WDR59: variants seen among roughly 807,000 people sequenced by gnomAD.
The protein encoded by WDR59 is GATOR2 complex protein WDR59.
A neutral mutation model predicts 131.2 loss-of-function variants in WDR59; 100 were observed. The ratio of observed to expected loss-of-function variants is 0.76; its 90% CI spans 0.65 to 0.90. The LOEUF (loss-of-function observed/expected upper bound fraction) is 0.90, where lower values mean the gene tolerates loss of function less well. Ranked by LOEUF, WDR59 falls within the 40% of genes least tolerant of loss-of-function variation. WDR59 has a pLI of 0.00. For synonymous variants in WDR59, 601 were observed against 466.2 expected (o/e 1.29, Z -3.72); for missense variants, 1,203 against 1,262.2 (o/e 0.95, Z 0.71).
intron 6 of WDR59, among the ~76,000 whole-genome samples, chr16:74,944,241 G>A (rs895702078): frequency 2.0e-5 from 3 of 152,022 alleles, no homozygotes; most frequent in Non-Finnish European, 2.9e-5. Context: ...TGAGACAGGC[G>A]GATTACCTGA....
rs142584864 is a variant in WDR59, at chr16:74,934,617, G to A, written c.651+3533C>T. Among the ~76,000 whole-genome samples the A allele has an allele frequency of 2.7e-4, 41 of 151,978 alleles. 1 individual carries two copies. In the East Asian group the frequency reaches 7.7e-3, roughly 29 times the overall value. Reference sequence around the variant, plus strand: ...CCTTTTCATTTACCCTTTTCTAAGGGTCCCTGCTACAAGCTACAGATCAGA... The same window carrying A: ...CCTTTTCATTTACCCTTTTCTAAGGATCCCTGCTACAAGCTACAGATCAGA... On this transcript the variant is annotated intron_variant, in intron 8 of 25. Coordinates refer to ENST00000262144, the MANE Select transcript of WDR59 (RefSeq NM_030581.4).
At chr16:74,892,629 C>T in intron 19 of WDR59, 64 bp from the exon 20 acceptor site, 1 of 1,296,392 alleles carries the variant, frequency 7.7e-7, no homozygotes, top group Non-Finnish European at 1.1e-6. Context: ...CAACGACTCC[C>T]AGTTTAACAG....
At position 74,874,114 on chromosome 16, in the gene WDR59, G is replaced by T; in HGVS notation, c.*95C>A. 1 of 1,092,080 alleles carries T rather than the reference G, an allele frequency of 9.2e-7. No individual in the cohort carries two copies. The highest frequency in any genetic ancestry group is 1.3e-6 in the Non-Finnish European group (1 of 755,842). The allele number at this position is 1,092,080 out of a possible 1,614,324, so 67.6% of individuals were successfully genotyped here. A position where few individuals can be genotyped will look rare whatever the true frequency, so the allele number is the denominator to read the frequency against. ...ATCATCCTCCGGTCTCACTGGGGAC[G>T]AACCCAGGTTCTGGAGCCTCTCCCC... On this transcript the variant is annotated 3_prime_UTR_variant, in exon 26 of 26. Coordinates refer to ENST00000262144, the MANE Select transcript of WDR59 (RefSeq NM_030581.4).
intron 8 of WDR59, among the ~76,000 whole-genome samples, chr16:74,927,974 C>T (rs1403118588): frequency 1.5e-5 from 2 of 131,092 alleles, no homozygotes; most frequent in Non-Finnish European, 3.1e-5. Context: ...GTAGCGCGAT[C>T]TCGGCTCACT....
In WDR59 at chr16:74,978,749, A is replaced by AT. The variant is rs111946957; in HGVS notation, c.54+6214dup. 8.5e-3 allele frequency among the ~76,000 whole-genome samples: 1,255 copies of AT among 147,770 alleles called. 22 individuals carry two copies. Among genetic ancestry groups the AT allele is most frequent in the African/African-American group, 0.028 (1,134 of 40,532 alleles). ...TACAATTATACCTGCATAAACCTGG[A>AT]TTTTTTTTTTTTAATCACTCTGGCT... On this transcript the variant is annotated intron_variant, in intron 1 of 25. Coordinates refer to ENST00000262144, the MANE Select transcript of WDR59 (RefSeq NM_030581.4).
At chr16:74,920,088 A>T (rs542688966) in intron 10 of WDR59, among the ~76,000 whole-genome samples, 1 of 140,658 alleles carries the variant, frequency 7.1e-6, no homozygotes, top group South Asian at 2.3e-4. Context: ...AAAAAAAAAA[A>T]TTGATGTCGA....
At chr16:74,968,177 T>C (rs984023364) in intron 1 of WDR59, among the ~76,000 whole-genome samples, 6 of 152,064 alleles carry the variant, frequency 3.9e-5, no homozygotes, top group Non-Finnish European at 7.4e-5. Flanking sequence ...GAGCTCCTAT[T>C]TGGGATGATG....
intron 2 of WDR59, chr16:74,959,723 C>T (rs1027642657): frequency 3.0e-5 from 8 of 263,082 alleles, no homozygotes; most frequent in South Asian, 3.0e-4. Flanking sequence ...AAGGCTGCAG[C>T]GAGCCATGAT....
At chr16:74,914,216 A>T (rs1966249976) in intron 13 of WDR59, among the ~76,000 whole-genome samples, 2 of 145,794 alleles carry the variant, frequency 1.4e-5, no homozygotes, top group Middle Eastern at 3.5e-3. Context: ...CCATCTCAAT[A>T]AAAAAAAAAA....
At chr16:74,971,426 CTTTTTT>C (rs58120924) in intron 1 of WDR59, among the ~76,000 whole-genome samples, 4 of 90,184 alleles carry the variant, frequency 4.4e-5, no homozygotes, top group Admixed American at 1.6e-4. Flanking sequence ...TCTTTCCTTC[CTTTTTT>C]TTTTTTTTTT....
intron 7 of WDR59, among the ~76,000 whole-genome samples, chr16:74,940,340 T>C (rs4888318): frequency 2.0e-5 from 3 of 150,166 alleles, no homozygotes; most frequent in African/African-American, 7.4e-5. Flanking sequence ...GAATGCGCCA[T>C]TGCACTCCAG....
intron 2 of WDR59, among the ~76,000 whole-genome samples, chr16:74,958,878 C>T (rs910763567): frequency 6.6e-6 from 1 of 151,804 alleles, no homozygotes; most frequent in Admixed American, 6.6e-5. Context: ...GCCCGACCAA[C>T]ATGGAGAAAC....
chr16:74,945,599 C>T (rs934061005), intron 6 of WDR59, among the ~76,000 whole-genome samples: 9 of 152,188 alleles, frequency 5.9e-5, no homozygotes, highest in Non-Finnish European at 1.0e-4. Context: ...CAGTCTATGT[C>T]TCAGATCATA....
At chr16:74,933,980 A>C (rs1341857601) in intron 8 of WDR59, among the ~76,000 whole-genome samples, 2 of 152,252 alleles carry the variant, frequency 1.3e-5, no homozygotes, top group African/African-American at 2.4e-5. Context: ...TTTTCAGCTT[A>C]AACTACTTTT....
chr16:74,888,293 T>C lies in WDR59; in HGVS notation c.2222A>G (p.Asp741Gly). 6.2e-7 allele frequency: 1 copy of C among 1,613,376 alleles called. No individual in the cohort carries two copies. Among genetic ancestry groups the C allele is most frequent in the Non-Finnish European group, 8.5e-7 (1 of 1,179,792 alleles). Residue 741 changes from aspartate (D) to glycine (G), a missense_variant, in exon 22 of 26, where the codon GAT (aspartate) becomes GGT (glycine). Coordinates refer to ENST00000262144, the MANE Select transcript of WDR59 (RefSeq NM_030581.4). ...SLLAHYCRLR[D>G]VQTLAMLCSV... ...ACAGAGCATCGCCAGTGTCTGAACA[T>C]CCCGGAGCCGGCAATAGTGAGCCAA... is the stretch of plus-strand genomic sequence containing the variant.
intron 18 of WDR59, among the ~76,000 whole-genome samples, chr16:74,900,464 T>G (rs554164216): frequency 6.6e-6 from 1 of 152,348 alleles, no homozygotes; most frequent in Non-Finnish European, 1.5e-5. Flanking sequence ...ACATGAGAGC[T>G]ATTTTAGTAA....
Position 74,892,561 on chromosome 16 carries a change from T to G in WDR59, c.2005A>C (p.Asn669His). The G allele has an allele frequency of 2.5e-6, 4 of 1,612,968 alleles. No homozygotes were observed. The highest frequency in any genetic ancestry group is 2.5e-6 in the Non-Finnish European group (3 of 1,179,546). Reference sequence around the variant, plus strand: ...CATGTTTCCTGAATATCATTCACATTCAATCTGAAATTTTTTAAAAAGAAT... The same window carrying G: ...CATGTTTCCTGAATATCATTCACATGCAATCTGAAATTTTTTAAAAAGAAT... ...HKSLGELYIL[N>H]VNDIQETCQK... is the part of the protein sequence containing the mutation. Residue 669 changes from asparagine to histidine, a missense_variant, in exon 20 of 26, where the codon AAT becomes CAT. Asn to His is a moderately conservative substitution (Grantham distance 68). Transcript: ENST00000262144.
chr16:74,909,903 T>A lies in WDR59; in HGVS notation c.1404A>T (p.Thr468=). 6.2e-7 allele frequency: 1 copy of A among 1,611,938 alleles called. No individual in the cohort carries two copies. The highest frequency in any genetic ancestry group is 8.5e-7 in the Non-Finnish European group (1 of 1,179,720). ...GGCCACGCTTCACTTTCTGCAGGGC[T>A]GTGTCCTTCAGGATCTAGAAAAGGC... ...KAKLLKILKD[T]ALQKVKRGQS... The change falls in exon 15 of 26, where the codon ACA becomes ACT. Residue 468 remains threonine, a synonymous_variant. Coordinates refer to ENST00000262144, the MANE Select transcript of WDR59 (RefSeq NM_030581.4).
intron 9 of WDR59, 43 bp downstream of exon 9, chr16:74,923,883 C>A: frequency 1.3e-6 from 2 of 1,569,188 alleles, no homozygotes; most frequent in Non-Finnish European, 1.7e-6. Context: ...TTTGGAACAC[C>A]CAAAAAGAAG....
Sources: gnomAD v4.1 joint callset for allele counts (sites outside exome capture counted in the v4.1 genomes callset) on GRCh38, gnomAD v4.1.1 for gene constraint, MANE v1.5 for transcripts, NCBI Gene and HGNC (gene_info 2026-07-23, HGNC 2026-07-21) for gene names.